RAB27B: variants seen among roughly 807,000 people sequenced by gnomAD.
RAB27B encodes ras-related protein Rab-27B.
A neutral mutation model predicts 24.6 loss-of-function variants in RAB27B; 15 were observed. The observed-to-expected ratio is 0.61, with a 90% CI of 0.41 to 0.94. RAB27B has a LOEUF of 0.94. RAB27B is among the 40% of genes least tolerant of loss of function. The pLI is 0.00. For missense variants in RAB27B, 261 were observed against 266.8 expected (o/e 0.98, Z 0.15); for synonymous variants, 105 against 92.5 (o/e 1.14, Z -0.78).
At position 54,890,508 on chromosome 18, in the gene RAB27B, C is replaced by A. The variant is rs1399165374; in HGVS notation, c.*1095C>A. On this transcript the variant is annotated 3_prime_UTR_variant, in exon 6 of 6. Transcript: ENST00000262094. ...TTTACAAAAGTACTGGAAACTAAATCATATTTCTTCCCTCCAAATTTCACC... is the reference window on the plus strand; with the variant it reads ...TTTACAAAAGTACTGGAAACTAAATAATATTTCTTCCCTCCAAATTTCACC... 6.6e-6 allele frequency: 1 copy of A among 152,140 alleles called. No individual in the cohort carries two copies. Among genetic ancestry groups the A allele is most frequent in the Non-Finnish European group, 1.5e-5 (1 of 67,998 alleles). 9.4% of individuals were successfully genotyped at this position (152,140 alleles called of 1,614,324 possible). A position where few individuals can be genotyped will look rare whatever the true frequency, so the allele number is the denominator to read the frequency against.
chr18:54,839,142 T>C (rs1011197694), intron 1 of RAB27B, among the ~76,000 whole-genome samples: 6 of 152,136 alleles, frequency 3.9e-5, no homozygotes, highest in African/African-American at 1.4e-4. Flanking sequence ...TATGCATTGA[T>C]GTTAAACCCT....
intron 1 of RAB27B, among the ~76,000 whole-genome samples, chr18:54,853,856 C>T (rs76279420): frequency 0.024 from 3,679 of 152,232 alleles, 88 homozygotes; most frequent in Middle Eastern, 0.075. Flanking sequence ...TTTCACCTCA[C>T]ATTATCCTCT....
intron 3 of RAB27B, among the ~76,000 whole-genome samples, chr18:54,881,228 C>G (rs1912911228): frequency 6.6e-6 from 1 of 152,072 alleles, no homozygotes; most frequent in Non-Finnish European, 1.5e-5. Flanking sequence ...TATTGCAAAT[C>G]GACTTGCAGG....
intron 1 of RAB27B, among the ~76,000 whole-genome samples, chr18:54,870,177 G>T (rs1052354427): frequency 3.9e-5 from 6 of 152,050 alleles, no homozygotes; most frequent in African/African-American, 1.4e-4. Context: ...TTTTACTTAT[G>T]AATACCAATT....
intron 2 of RAB27B, among the ~76,000 whole-genome samples, chr18:54,730,262 T>C (rs1480900277): frequency 6.6e-6 from 1 of 152,150 alleles, no homozygotes; most frequent in African/African-American, 2.4e-5. Context: ...AGACGTTATC[T>C]GGACTTATAA....
At chr18:54,813,812 A>G (rs1034287313) in intron 2 of RAB27B, among the ~76,000 whole-genome samples, 36 of 152,298 alleles carry the variant, frequency 2.4e-4, no homozygotes, top group African/African-American at 7.2e-4. Context: ...CGATATCTAT[A>G]CTTCAACATC....
intron 1 of RAB27B, among the ~76,000 whole-genome samples, chr18:54,842,737 T>C (rs758870427): frequency 6.6e-6 from 1 of 152,208 alleles, no homozygotes; most frequent in Non-Finnish European, 1.5e-5. Context: ...TGCAACTAAT[T>C]TCACCCTCCA....
Position 54,869,344 on chromosome 18 carries a change from A to T in RAB27B, c.-19-8223A>T, listed in dbSNP as rs1367649990. On this transcript the variant is annotated intron_variant, in intron 1 of 5. Coordinates refer to ENST00000262094, the MANE Select transcript of RAB27B (RefSeq NM_004163.4). Reference sequence around the variant, plus strand: ...AAACAGTGATTTAAAAACACATTGAATTCAGGCAAAATGTCTTAGATCATG... The same window carrying T: ...AAACAGTGATTTAAAAACACATTGATTTCAGGCAAAATGTCTTAGATCATG... Among the ~76,000 whole-genome samples, 3 of 152,342 alleles carry T rather than the reference A, an allele frequency of 2.0e-5. No individual in the cohort carries two copies. The East Asian group carries it at 5.8e-4, about 29-fold the overall frequency.
chr18:54,754,705 A>C (rs544649261), intron 2 of RAB27B, among the ~76,000 whole-genome samples: 9 of 152,236 alleles, frequency 5.9e-5, no homozygotes, highest in Non-Finnish European at 1.3e-4. Context: ...GATTTAAAGA[A>C]AACTATTTCT....
chr18:54,845,569 T>C (rs1911304028), intron 1 of RAB27B, among the ~76,000 whole-genome samples: 1 of 152,078 alleles, frequency 6.6e-6, no homozygotes, highest in Admixed American at 6.5e-5. Context: ...CTCACCTTGT[T>C]TTTCCTAGTC....
intron 2 of RAB27B, among the ~76,000 whole-genome samples, chr18:54,729,050 CTA>C (rs1005268787): frequency 1.3e-5 from 2 of 151,452 alleles, no homozygotes; most frequent in African/African-American, 4.9e-5. Flanking sequence ...ACATATAAAA[CTA>C]TTAAAAACAA....
intron 1 of RAB27B, among the ~76,000 whole-genome samples, chr18:54,863,435 T>C (rs957908166): frequency 1.3e-5 from 2 of 152,214 alleles, no homozygotes; most frequent in Non-Finnish European, 2.9e-5. Context: ...ACAAGCATTG[T>C]GGAGGTAGGC....
In RAB27B at chr18:54,892,781, A is replaced by C. The variant is rs747713680; in HGVS notation, c.*3368A>C. Reference sequence around the variant, plus strand: ...ATTCAAAACTAGCTATTTCTAAAGTAAACATTTTATCTGTTACTTTTAACC... The same window carrying C: ...ATTCAAAACTAGCTATTTCTAAAGTCAACATTTTATCTGTTACTTTTAACC... On this transcript the variant is annotated 3_prime_UTR_variant, in exon 6 of 6. Transcript: ENST00000262094. The C allele has an allele frequency of 1.3e-5, 2 of 152,052 alleles. No homozygotes were observed. The highest frequency in any genetic ancestry group is 2.9e-5 in the Non-Finnish European group (2 of 67,960). 9.4% of individuals were successfully genotyped at this position (152,052 alleles called of 1,614,324 possible).
At chr18:54,766,054 C>T (rs1478476235) in intron 2 of RAB27B, among the ~76,000 whole-genome samples, 1 of 152,166 alleles carries the variant, frequency 6.6e-6, no homozygotes, top group African/African-American at 2.4e-5. Context: ...GGCGAAGACA[C>T]ATTTTTAGAA....
At chr18:54,745,870 A>T (rs1910227530) in intron 2 of RAB27B, among the ~76,000 whole-genome samples, 1 of 147,720 alleles carries the variant, frequency 6.8e-6, no homozygotes, top group Admixed American at 6.8e-5. Flanking sequence ...TAATAAAATA[A>T]ATATAAGTAT....
chr18:54,832,306 G>T (rs1286138866), intron 1 of RAB27B, among the ~76,000 whole-genome samples: 1 of 152,192 alleles, frequency 6.6e-6, no homozygotes, highest in Non-Finnish European at 1.5e-5. Flanking sequence ...GTGAAGAAAA[G>T]AAAGAACCAA....
chr18:54,799,389 T>C (rs1364464992), intron 2 of RAB27B, among the ~76,000 whole-genome samples: 1 of 152,096 alleles, frequency 6.6e-6, no homozygotes, highest in Non-Finnish European at 1.5e-5. Flanking sequence ...CCAAGTGACA[T>C]CTGGGGTTAA....
chr18:54,820,238 A>G (rs1216425803), intron 2 of RAB27B, among the ~76,000 whole-genome samples: 1 of 152,190 alleles, frequency 6.6e-6, no homozygotes, highest in African/African-American at 2.4e-5. Context: ...TCCCACCAAC[A>G]GTGTAAAAGT....
intron 3 of RAB27B, among the ~76,000 whole-genome samples, chr18:54,883,176 T>G (rs888774430): frequency 9.9e-5 from 15 of 152,070 alleles, no homozygotes; most frequent in Non-Finnish European, 1.8e-4. Flanking sequence ...GATGCCTGAG[T>G]TTCCACCAGC....
Sources: gnomAD v4.1 joint callset for allele counts (sites outside exome capture counted in the v4.1 genomes callset) on GRCh38, gnomAD v4.1.1 for gene constraint, MANE v1.5 for transcripts, NCBI Gene and HGNC (gene_info 2026-07-23, HGNC 2026-07-21) for gene names.